The following GLG1 variants were observed in gnomAD, a reference collection of about 807,000 sequenced individuals.
GLG1 encodes golgi glycoprotein 1.
In GLG1, 38 loss-of-function variants were observed where a neutral mutation model predicts 160.5. The observed-to-expected ratio is 0.24, with a 90% CI of 0.18 to 0.31. The LOEUF (loss-of-function observed/expected upper bound fraction) is 0.31, where lower values mean the gene tolerates loss of function less well. Among genes scored for constraint, GLG1 ranks in the 10% least tolerant of loss-of-function variants. The probability of loss-of-function intolerance (pLI) is 1.00; values close to 1 mark genes in which losing one functional copy is unlikely to be tolerated. For synonymous variants in GLG1, 644 were observed against 543.4 expected (o/e 1.19, Z -2.57); for missense variants, 1,373 against 1,505.2 (o/e 0.91, Z 1.45).
intron 8 of GLG1, among the ~76,000 whole-genome samples, chr16:74,487,672 A>C (rs2015841525): frequency 6.6e-6 from 1 of 152,180 alleles, no homozygotes; most frequent in African/African-American, 2.4e-5. Context: ...TTTCTGAGAA[A>C]AGTTGGAAGC....
chr16:74,577,913 C>T (rs1199697082), intron 1 of GLG1, among the ~76,000 whole-genome samples: 2 of 151,874 alleles, frequency 1.3e-5, no homozygotes, highest in Non-Finnish European at 2.9e-5. Context: ...TGGCTCATGC[C>T]TGTAATCCCA....
intron 13 of GLG1, among the ~76,000 whole-genome samples, chr16:74,473,437 CTTT>C (rs11421713): frequency 9.9e-5 from 11 of 110,986 alleles, no homozygotes; most frequent in Non-Finnish European, 1.9e-4. Flanking sequence ...TGGTCTTGAC[CTTT>C]TTTTTTTTTT....
intron 2 of GLG1, among the ~76,000 whole-genome samples, chr16:74,517,408 T>C (rs1365695716): frequency 2.0e-5 from 3 of 152,162 alleles, no homozygotes; most frequent in Non-Finnish European, 4.4e-5. Context: ...TGCAAATCAA[T>C]AAACGTAATC....
chr16:74,540,030 TA>T lies in GLG1; in HGVS notation c.439-7878del, dbSNP rs2017798081. ...ATATATTTTATATATATATATTATA[TA>T]TATTTTATATATATATTATATATAT... On this transcript the variant is annotated intron_variant, in intron 1 of 25. Coordinates refer to ENST00000422840, the MANE Select transcript of GLG1 (RefSeq NM_001145667.2). Among the ~76,000 whole-genome samples the T allele has an allele frequency of 6.1e-5, 2 of 32,612 alleles. 1 individual carries two copies. Among genetic ancestry groups the T allele is most frequent in the African/African-American group, 3.2e-4 (2 of 6,258 alleles). The allele number at this position is 32,612 out of a possible 152,430, so 21.4% of individuals were successfully genotyped here. A position where few individuals can be genotyped will look rare whatever the true frequency, so the allele number is the denominator to read the frequency against.
chr16:74,560,054 G>A (rs887758259), intron 1 of GLG1, among the ~76,000 whole-genome samples: 1 of 152,148 alleles, frequency 6.6e-6, no homozygotes, highest in Non-Finnish European at 1.5e-5. Context: ...ATTTTATGAG[G>A]ATGATGGTTA....
At chr16:74,542,581 A>G in intron 1 of GLG1, among the ~76,000 whole-genome samples, 1 of 150,420 alleles carries the variant, frequency 6.6e-6, no homozygotes, top group Non-Finnish European at 1.5e-5. Flanking sequence ...CTGAGGCAGG[A>G]GAATCGCTTG....
At chr16:74,595,098 G>C (rs753752796) in intron 1 of GLG1, among the ~76,000 whole-genome samples, 3 of 151,852 alleles carry the variant, frequency 2.0e-5, no homozygotes, top group Non-Finnish European at 2.9e-5. Context: ...TGAGGCAGGA[G>C]AACGGCATGA....
At chr16:74,516,060 T>C (rs1428927820) in intron 2 of GLG1, among the ~76,000 whole-genome samples, 5 of 151,460 alleles carry the variant, frequency 3.3e-5, no homozygotes, top group Admixed American at 6.6e-5. Context: ...TAAAGCAAGT[T>C]CTTAGAGACC....
rs540585932 is a variant in GLG1 at position 74,456,394 on chromosome 16, T to C, written c.3372+255A>G. 5.2e-5 allele frequency: 22 copies of C among 422,326 alleles called. No homozygotes were observed. The South Asian group carries it at 5.4e-4, about 10-fold the overall frequency. 26.2% of individuals were successfully genotyped at this position (422,326 alleles called of 1,614,324 possible). On this transcript the variant is annotated intron_variant, in intron 25 of 25. Transcript: ENST00000422840. ...CCAGGTTGGTCTCGATCTCCTGACC[T>C]CGTGATCTGCCTGCCTCGGCCTCCC...
chr16:74,480,954 A>C (rs2015577030), intron 10 of GLG1, among the ~76,000 whole-genome samples: 1 of 152,210 alleles, frequency 6.6e-6, no homozygotes, highest in South Asian at 2.1e-4. Flanking sequence ...CAGAAGATTT[A>C]AAGTCTCTCT....
chr16:74,498,448 G>GTGTGTATATATATATA (rs1491436581), intron 4 of GLG1, among the ~76,000 whole-genome samples: 1 of 24,038 alleles, frequency 4.2e-5, no homozygotes. Flanking sequence ...AAAAAAAAAA[G>GTGTGTATATATATATA]TATATATATA....
In GLG1 at chr16:74,529,551, C is replaced by T. The variant is rs1440931966; in HGVS notation, c.471+2570G>A. Among the ~76,000 whole-genome samples, 5 of 151,412 alleles carry T rather than the reference C, an allele frequency of 3.3e-5. No homozygotes were observed. The South Asian group carries it at 6.3e-4, about 19-fold the overall frequency. ...ATTAATAATTCCAATATATGAATTA[C>T]CTCTTCTCTGGATCTCTCTCTGTTG... On this transcript the variant is annotated intron_variant, in intron 2 of 25. Coordinates refer to ENST00000422840, the MANE Select transcript of GLG1 (RefSeq NM_001145667.2).
chr16:74,502,730 T>C (rs889593181), intron 4 of GLG1, among the ~76,000 whole-genome samples: 3 of 140,950 alleles, frequency 2.1e-5, no homozygotes, highest in Non-Finnish European at 4.8e-5. Flanking sequence ...TGGTTTTTTT[T>C]TTTTTTTTTT....
intron 15 of GLG1, among the ~76,000 whole-genome samples, chr16:74,470,518 G>A (rs555607915): frequency 6.8e-6 from 1 of 147,322 alleles, no homozygotes; most frequent in East Asian, 2.0e-4. Flanking sequence ...GTGCGATCTC[G>A]GCTCACTGCA....
intron 1 of GLG1, among the ~76,000 whole-genome samples, chr16:74,598,676 T>G (rs994676967): frequency 8.4e-4 from 128 of 151,902 alleles, no homozygotes; most frequent in African/African-American, 2.9e-3. Flanking sequence ...GTGGATTGCC[T>G]GAGGTCAGGA....
intron 2 of GLG1, among the ~76,000 whole-genome samples, chr16:74,517,919 G>A (rs777186663): frequency 6.6e-6 from 1 of 152,022 alleles, no homozygotes; most frequent in Non-Finnish European, 1.5e-5. Context: ...GACAAACAGA[G>A]AGCCCAATCA....
chr16:74,601,977 A>ACACTAG (rs553783804), intron 1 of GLG1, among the ~76,000 whole-genome samples: 2 of 152,134 alleles, frequency 1.3e-5, no homozygotes, highest in South Asian at 2.1e-4. Flanking sequence ...TAAAAGAATA[A>ACACTAG]CACTAGCACT....
rs1190822321 is a variant in GLG1 at position 74,465,685 on chromosome 16, C to G, written c.2658G>C (p.Gln886His). The change falls in exon 19 of 26, where the codon CAG becomes CAC. Residue 886 changes from glutamine (Q) to histidine (H), a missense_variant. Around this residue, in one of 4 missense-constraint regions of GLG1, gnomAD observed 491 missense variants for 632.1 expected, o/e 0.78. Transcript: ENST00000422840. Reference sequence around the variant, plus strand: ...GGTGTCGGCTTCTCACCTTTATCATCTGCTTGCAGACCCTCATGAGGGTGT... The same window carrying G: ...GGTGTCGGCTTCTCACCTTTATCATGTGCTTGCAGACCCTCATGAGGGTGT... ...LDYTLMRVCK[Q>H]MIKRFCPEAD... 4 of 1,613,850 alleles carry G rather than the reference C, an allele frequency of 2.5e-6. No homozygotes were observed. Among genetic ancestry groups the G allele is most frequent in the Non-Finnish European group, 3.4e-6 (4 of 1,179,890 alleles).
At chr16:74,561,720 C>A (rs982918816) in intron 1 of GLG1, among the ~76,000 whole-genome samples, 3 of 152,124 alleles carry the variant, frequency 2.0e-5, no homozygotes, top group Admixed American at 2.0e-4. Context: ...ATTGGAGATA[C>A]AAAATTGGTA....
Sources: allele counts gnomAD v4.1 joint callset (sites outside exome capture counted in the v4.1 genomes callset), GRCh38; gene constraint gnomAD v4.1.1; regional missense constraint gnomAD v4.1.1; transcripts MANE v1.5; gene names NCBI Gene and HGNC (gene_info 2026-07-23, HGNC 2026-07-21).